Variants in LARP1 observed in about 807,000 individuals in gnomAD.
The protein encoded by LARP1 is la-related protein 1.
In LARP1, 36 loss-of-function variants were observed where a neutral mutation model predicts 122.7. The observed-to-expected ratio is 0.29, with a 90% CI of 0.22 to 0.39. The LOEUF (loss-of-function observed/expected upper bound fraction) is 0.39, where lower values mean the gene tolerates loss of function less well. Ranked by LOEUF, LARP1 falls within the 10% of genes least tolerant of loss-of-function variation. The pLI is 1.00. For synonymous variants in LARP1, 539 were observed against 528.7 expected, an observed-to-expected ratio of 1.02 and a Z score of -0.27; for missense variants, 1,040 against 1,403.6, an observed-to-expected ratio of 0.74 and a Z score of 4.14.
intron 1 of LARP1, 83 bp downstream of exon 1, chr5:154,756,276 C>T: frequency 9.7e-7 from 1 of 1,034,116 alleles, no homozygotes; most frequent in Non-Finnish European, 1.2e-6. Context: ...CTCCAGGGCC[C>T]CGGGGTCTGC....
chr5:154,712,918 G>A (rs779100963), exon 1 of LARP1: 1 of 1,613,976 alleles, frequency 6.2e-7, no homozygotes, highest in Non-Finnish European at 8.5e-7. Flanking sequence ...CCAGGCCCTG[G>A]TCACTCCATG....
At chr5:154,719,264 A>T (rs1021760541) in intron 1 of LARP1, among the ~76,000 whole-genome samples, 1 of 152,172 alleles carries the variant, frequency 6.6e-6, no homozygotes, top group South Asian at 2.1e-4. Flanking sequence ...ACATCGAAGC[A>T]GAGGGGCCTC....
At chr5:154,753,799 T>G (rs1366170986), upstream of LARP1, among the ~76,000 whole-genome samples, 1 of 152,220 alleles carries the variant, frequency 6.6e-6, no homozygotes, top group Non-Finnish European at 1.5e-5. Flanking sequence ...CTACCAGTAC[T>G]TCTCCCCCAT....
intron 3 of LARP1, among the ~76,000 whole-genome samples, chr5:154,791,325 C>T (rs886692341): frequency 1.3e-5 from 2 of 151,536 alleles, no homozygotes; most frequent in African/African-American, 2.4e-5. Flanking sequence ...GTGATTCTCC[C>T]GCCTCAGCCT....
intron 1 of LARP1, among the ~76,000 whole-genome samples, chr5:154,742,762 A>G (rs533156297): frequency 1.3e-5 from 2 of 152,092 alleles, no homozygotes; most frequent in Admixed American, 6.5e-5. Context: ...GAAAAAAGAA[A>G]AAAATAGTTT....
At chr5:154,794,334 G>A (rs1268177020) in intron 7 of LARP1, 72 bp downstream of exon 7, 31 of 1,490,614 alleles carry the variant, frequency 2.1e-5, no homozygotes, top group Non-Finnish European at 2.8e-5. Flanking sequence ...TGTCATAGCT[G>A]GGCAGGCCCT....
At chr5:154,799,808 C>T in intron 9 of LARP1, 49 bp downstream of exon 9, 1 of 1,611,872 alleles carries the variant, frequency 6.2e-7, no homozygotes, top group Non-Finnish European at 8.5e-7. Flanking sequence ...GGGCAACAGT[C>T]CTCCTCAGGG....
chr5:154,765,195 C>A (rs1040791915), intron 1 of LARP1, among the ~76,000 whole-genome samples: 1 of 152,178 alleles, frequency 6.6e-6, no homozygotes, highest in African/African-American at 2.4e-5. Flanking sequence ...TCATTCCCTT[C>A]CAGCATCAGT....
At chr5:154,768,498 A>G (rs1046674259) in intron 1 of LARP1, among the ~76,000 whole-genome samples, 4 of 152,240 alleles carry the variant, frequency 2.6e-5, no homozygotes, top group African/African-American at 9.6e-5. Flanking sequence ...CTGGAAACCT[A>G]GGGAATTCTA....
chr5:154,799,152 AGGCC>A (rs1461889587), intron 8 of LARP1, among the ~76,000 whole-genome samples: 1 of 152,224 alleles, frequency 6.6e-6, no homozygotes, highest in Non-Finnish European at 1.5e-5. Context: ...GTGAGCCACC[AGGCC>A]CGACCTGTAA....
chr5:154,812,415 G>A (rs1205588588), intron 18 of LARP1, among the ~76,000 whole-genome samples: 1 of 151,986 alleles, frequency 6.6e-6, no homozygotes, highest in Non-Finnish European at 1.5e-5. Context: ...GAGGCCTCAG[G>A]AAACTTAAAA....
intron 1 of LARP1, among the ~76,000 whole-genome samples, chr5:154,707,241 C>T (rs1241225437): frequency 6.6e-6 from 1 of 151,722 alleles, no homozygotes; most frequent in Non-Finnish European, 1.5e-5. Context: ...GACCCTATCT[C>T]TAAAAAAAAA....
At chr5:154,693,004 T>C (rs1356248314) in intron 1 of LARP1, among the ~76,000 whole-genome samples, 2 of 150,686 alleles carry the variant, frequency 1.3e-5, no homozygotes, top group African/African-American at 2.5e-5. Flanking sequence ...TTTTTTTTTT[T>C]TGTAGAGACA....
intron 1 of LARP1, among the ~76,000 whole-genome samples, chr5:154,730,507 T>G (rs1460651914): frequency 7.1e-6 from 1 of 140,636 alleles, no homozygotes; most frequent in Non-Finnish European, 1.5e-5. Context: ...TGTCTTGCCG[T>G]GGTCGCCCAG....
intron 14 of LARP1, 125 bp from the exon 15 acceptor site, chr5:154,805,756 C>A: frequency 1.0e-6 from 1 of 969,496 alleles, no homozygotes; most frequent in Non-Finnish European, 1.6e-6. Flanking sequence ...CGTAACTGGG[C>A]CTCCTTGTTT....
intron 1 of LARP1, among the ~76,000 whole-genome samples, chr5:154,771,604 G>T (rs1024046799): frequency 1.3e-5 from 2 of 152,176 alleles, no homozygotes; most frequent in South Asian, 4.1e-4. Flanking sequence ...GAGAGGACTC[G>T]CACAGATCTT....
At chr5:154,777,444 C>T (rs1756005023) in intron 1 of LARP1, among the ~76,000 whole-genome samples, 1 of 152,000 alleles carries the variant, frequency 6.6e-6, no homozygotes, top group South Asian at 2.1e-4. Context: ...TCAACTGAAT[C>T]CAGGAGACAG....
intron 1 of LARP1, chr5:154,729,641 C>T: frequency 2.4e-6 from 1 of 408,452 alleles, no homozygotes; most frequent in South Asian, 2.0e-5. Flanking sequence ...TTGTGAGAAC[C>T]AATGAATAGG....
Position 154,755,434 on chromosome 5 carries a change from G to A in LARP1, c.-324G>A, listed in dbSNP as rs1320242780. 5.9e-6 allele frequency: 3 copies of A among 507,294 alleles called. No individual in the cohort carries two copies. The highest frequency in any genetic ancestry group is 2.1e-5 in the African/African-American group (1 of 48,010). 31.4% of individuals were successfully genotyped at this position (507,294 alleles called of 1,614,324 possible). On this transcript the variant is annotated 5_prime_UTR_variant, in exon 1 of 19. Coordinates refer to ENST00000518297, the MANE Select transcript of LARP1 (RefSeq NM_033551.3). ...CCCGGGCCGCCCCGGGGGCGGGGGG[G>A]AGGGAGGGACGGGACTAGAAGCCTG...
Sources: allele counts gnomAD v4.1 joint callset (sites outside exome capture counted in the v4.1 genomes callset), GRCh38; gene constraint gnomAD v4.1.1; transcripts MANE v1.5; gene names NCBI Gene and HGNC (gene_info 2026-07-23, HGNC 2026-07-21).